PDE4B: variants seen among roughly 807,000 people sequenced by gnomAD.
The protein encoded by PDE4B is 3',5'-cyclic-AMP phosphodiesterase 4B.
PDE4B carries 20 observed loss-of-function variants against 82.2 expected under a neutral mutation model. The ratio of observed to expected loss-of-function variants is 0.24; its 90% CI spans 0.17 to 0.35. The LOEUF (loss-of-function observed/expected upper bound fraction) is 0.35, where lower values mean the gene tolerates loss of function less well. PDE4B is among the 10% of genes least tolerant of loss of function. PDE4B has a pLI of 1.00. For synonymous variants in PDE4B, 320 were observed against 318.9 expected (o/e 1.00, Z -0.04); for missense variants, 655 against 907.2 (o/e 0.72, Z 3.57).
intron 3 of PDE4B, among the ~76,000 whole-genome samples, chr1:66,005,275 C>A (rs1188349214): frequency 6.3e-5 from 7 of 110,670 alleles, no homozygotes; most frequent in African/African-American, 2.0e-4. Context: ...TCTCATCTAC[C>A]CCACGGGTCT....
At chr1:66,172,651 T>G (rs1238372725) in intron 3 of PDE4B, among the ~76,000 whole-genome samples, 1 of 152,232 alleles carries the variant, frequency 6.6e-6, no homozygotes, top group Non-Finnish European at 1.5e-5. Context: ...TTCTGACTAT[T>G]GTAAGATGGT....
chr1:65,942,111 T>TA (rs2100548727), intron 3 of PDE4B, among the ~76,000 whole-genome samples: 1 of 152,178 alleles, frequency 6.6e-6, no homozygotes, highest in Non-Finnish European at 1.5e-5. Flanking sequence ...AGCAATTAGG[T>TA]GGTCTAACTA....
chr1:66,191,562 G>A lies in PDE4B; in HGVS notation c.282-55898G>A, dbSNP rs557939008. Among the ~76,000 whole-genome samples the A allele has an allele frequency of 2.6e-5, 4 of 152,112 alleles. No individual in the cohort carries two copies. The East Asian group carries it at 7.7e-4, about 29-fold the overall frequency. ...ACTGTCGAGTCAATAGACTACCTAG[G>A]GTTATCAATAATGACCCTACTTATG... On this transcript the variant is annotated intron_variant, in intron 3 of 16. Coordinates refer to ENST00000341517, the MANE Select transcript of PDE4B (RefSeq NM_002600.4).
chr1:65,829,917 C>G (rs1646062996), intron 1 of PDE4B, among the ~76,000 whole-genome samples: 1 of 152,112 alleles, frequency 6.6e-6, no homozygotes, highest in Non-Finnish European at 1.5e-5. Flanking sequence ...TAAATTAGCT[C>G]TTTCTGTTAA....
chr1:65,937,364 A>G (rs1443977591), intron 3 of PDE4B, among the ~76,000 whole-genome samples: 1 of 152,208 alleles, frequency 6.6e-6, no homozygotes. Context: ...TCTGAAACAC[A>G]GGATGTGCTT....
At chr1:66,003,485 A>G (rs1201053703) in intron 3 of PDE4B, among the ~76,000 whole-genome samples, 2 of 152,210 alleles carry the variant, frequency 1.3e-5, no homozygotes, top group Non-Finnish European at 2.9e-5. Flanking sequence ...TGCCTTGTCT[A>G]TTTCAGGATC....
chr1:66,177,004 A>G (rs1469453542), intron 3 of PDE4B, among the ~76,000 whole-genome samples: 8 of 152,194 alleles, frequency 5.3e-5, no homozygotes, highest in Non-Finnish European at 1.5e-5. Flanking sequence ...ATAAGAAGAC[A>G]ATCTGAGAAA....
intron 3 of PDE4B, among the ~76,000 whole-genome samples, chr1:66,204,388 G>A (rs930994472): frequency 3.9e-5 from 6 of 152,216 alleles, no homozygotes; most frequent in Non-Finnish European, 7.3e-5. Flanking sequence ...AGACAGGGAC[G>A]TTTAAGTTTG....
intron 3 of PDE4B, among the ~76,000 whole-genome samples, chr1:66,142,989 C>T (rs528070056): frequency 2.0e-5 from 3 of 152,318 alleles, no homozygotes; most frequent in South Asian, 2.1e-4. Context: ...ATCTGTGCTT[C>T]GCATCTGTGT....
rs139504605 is a variant in PDE4B at position 66,343,173 on chromosome 1, T to A, written c.747+10553T>A. 9.2e-5 allele frequency among the ~76,000 whole-genome samples: 14 copies of A among 152,342 alleles called. No individual in the cohort carries two copies. In the East Asian group the frequency reaches 2.7e-3, roughly 29 times the overall value. ...TATAAAAAGGAAAGGCACAGATTTT[T>A]TTTAAAAAAGAGAGACTAAAATTGT... is the stretch of plus-strand genomic sequence containing the variant. On this transcript the variant is annotated intron_variant, in intron 8 of 16. Coordinates refer to ENST00000341517, the MANE Select transcript of PDE4B (RefSeq NM_002600.4).
chr1:66,102,453 G>C (rs1645245897), intron 3 of PDE4B, among the ~76,000 whole-genome samples: 1 of 152,060 alleles, frequency 6.6e-6, no homozygotes, highest in African/African-American at 2.4e-5. Flanking sequence ...TTTGCTGTAA[G>C]TATAGCTGGT....
chr1:65,925,198 T>C (rs896199124), intron 3 of PDE4B, among the ~76,000 whole-genome samples: 10 of 152,216 alleles, frequency 6.6e-5, no homozygotes, highest in African/African-American at 2.4e-4. Context: ...TTTAAAAAAC[T>C]TTATTAAGAA....
At chr1:65,815,607 AAG>A (rs1180273884) in intron 1 of PDE4B, among the ~76,000 whole-genome samples, 1 of 152,296 alleles carries the variant, frequency 6.6e-6, no homozygotes, top group Admixed American at 6.5e-5. Context: ...GAAAATAAAA[AAG>A]TTTATTTTTA....
intron 7 of PDE4B, among the ~76,000 whole-genome samples, chr1:66,294,882 T>C (rs1657390458): frequency 2.0e-5 from 3 of 152,156 alleles, no homozygotes; most frequent in Non-Finnish European, 4.4e-5. Flanking sequence ...ATAGGATGTG[T>C]TTCATGACTC....
At chr1:66,199,386 T>G (rs1007237150) in intron 3 of PDE4B, among the ~76,000 whole-genome samples, 11 of 152,106 alleles carry the variant, frequency 7.2e-5, no homozygotes, top group African/African-American at 2.7e-4. Flanking sequence ...TTTTCATGTG[T>G]TTTTTGGCTG....
chr1:65,914,470 CTTTTTT>C (rs34161281), intron 2 of PDE4B, among the ~76,000 whole-genome samples: 1 of 145,058 alleles, frequency 6.9e-6, no homozygotes, highest in African/African-American at 2.5e-5. Context: ...TCTTCTTCTT[CTTTTTT>C]TTTTTTCTTT....
At chr1:66,191,971 C>A (rs969846173) in intron 3 of PDE4B, among the ~76,000 whole-genome samples, 1 of 152,236 alleles carries the variant, frequency 6.6e-6, no homozygotes, top group South Asian at 2.1e-4. Context: ...CCTCCCACAA[C>A]ACTTGGGAAT....
intron 3 of PDE4B, among the ~76,000 whole-genome samples, chr1:66,100,669 A>G (rs936285972): frequency 6.6e-6 from 1 of 152,086 alleles, no homozygotes; most frequent in African/African-American, 2.4e-5. Context: ...AGAGTATTCT[A>G]TGTGTGGAGG....
rs187406040 is a variant in PDE4B at position 66,212,744 on chromosome 1, A to G, written c.282-34716A>G. ...ACTGACCCTAATCTTAGTGACCTCC[A>G]TCATGATATATGCTCCCTGAGATCT... On this transcript the variant is annotated intron_variant, in intron 3 of 16. Transcript: ENST00000341517. Among the ~76,000 whole-genome samples the G allele has an allele frequency of 5.6e-4, 85 of 152,268 alleles. 1 individual carries two copies. Among genetic ancestry groups the G allele is most frequent in the Middle Eastern group, 3.4e-3 (1 of 294 alleles).
Sources: gnomAD v4.1 joint callset for allele counts (sites outside exome capture counted in the v4.1 genomes callset) on GRCh38, gnomAD v4.1.1 for gene constraint, MANE v1.5 for transcripts, NCBI Gene and HGNC (gene_info 2026-07-23, HGNC 2026-07-21) for gene names.